The following BCAS1 variants were observed in gnomAD, a reference collection of about 807,000 sequenced individuals.
The protein encoded by BCAS1 is breast carcinoma-amplified sequence 1.
In BCAS1, 46 loss-of-function variants were observed where a neutral mutation model predicts 65.4. The ratio of observed to expected loss-of-function variants is 0.70; its 90% CI spans 0.55 to 0.90. The LOEUF is 0.90. BCAS1 is among the 40% of genes least tolerant of loss of function. The probability of loss-of-function intolerance (pLI) is 0.00; values close to 1 mark genes in which losing one functional copy is unlikely to be tolerated. For missense variants in BCAS1, 793 were observed against 771.2 expected (o/e 1.03, Z -0.33); for synonymous variants, 298 against 293.5 (o/e 1.02, Z -0.16).
chr20:53,975,495 AG>A, intron 8 of BCAS1, 65 bp from the exon 9 acceptor site: 1 of 1,396,938 alleles, frequency 7.2e-7, no homozygotes, highest in East Asian at 2.3e-5. Flanking sequence ...GTTACATAAA[AG>A]CAAAGGGTTA....
chr20:53,998,770 C>CT (rs2090984475), intron 4 of BCAS1, among the ~76,000 whole-genome samples: 1 of 151,706 alleles, frequency 6.6e-6, no homozygotes, highest in African/African-American at 2.4e-5. Flanking sequence ...GTCGCTTAAT[C>CT]TTAATATATT....
chr20:54,011,106 A>G (rs1051117429), intron 4 of BCAS1, among the ~76,000 whole-genome samples: 5 of 152,162 alleles, frequency 3.3e-5, no homozygotes, highest in Non-Finnish European at 7.4e-5. Flanking sequence ...ACTTAAACAT[A>G]AAACCTCAAA....
At chr20:53,956,574 C>G (rs2089706394) in intron 11 of BCAS1, among the ~76,000 whole-genome samples, 1 of 152,070 alleles carries the variant, frequency 6.6e-6, no homozygotes, top group Non-Finnish European at 1.5e-5. Context: ...TATGACAACC[C>G]CATAAGGAAG....
intron 1 of BCAS1, among the ~76,000 whole-genome samples, chr20:54,066,308 G>T (rs896632738): frequency 6.6e-6 from 1 of 151,900 alleles, no homozygotes; most frequent in Non-Finnish European, 1.5e-5. Context: ...TCCTGACCTC[G>T]TGATCCGCCC....
chr20:54,000,100 A>T (rs1167462685), intron 4 of BCAS1, among the ~76,000 whole-genome samples: 1 of 152,192 alleles, frequency 6.6e-6, no homozygotes, highest in Non-Finnish European at 1.5e-5. Context: ...ATCCCGGCAT[A>T]TCTGATGCTG....
chr20:54,058,599 T>TA (rs2092333298), intron 2 of BCAS1, 48 bp downstream of exon 2: 2 of 1,438,412 alleles, frequency 1.4e-6, no homozygotes, highest in African/African-American at 1.5e-5. Flanking sequence ...AGTTCTTTTT[T>TA]TTTTTTTTTT....
At chr20:53,973,664 A>G (rs191123758) in intron 9 of BCAS1, among the ~76,000 whole-genome samples, 2 of 152,352 alleles carry the variant, frequency 1.3e-5, no homozygotes, top group East Asian at 1.9e-4. Context: ...GTTCGTAGAA[A>G]GAAGTCTTGT....
At chr20:54,004,996 A>C (rs2091149544) in intron 4 of BCAS1, among the ~76,000 whole-genome samples, 2 of 152,370 alleles carry the variant, frequency 1.3e-5, no homozygotes, top group South Asian at 4.1e-4. Flanking sequence ...AGTACAGAGG[A>C]AGCATTCAGT....
In BCAS1 at chr20:54,027,610, T is replaced by C. The variant is rs149895874; in HGVS notation, c.723+782A>G. The stretch of plus-strand genomic sequence containing the variant: ...GGAAATGCATGCCCTAAACCTATAA[T>C]GTATCAAGTTTTACTTCCTTCTTCT... On this transcript the variant is annotated intron_variant, in intron 4 of 12. Coordinates refer to ENST00000688948, the MANE Select transcript of BCAS1 (RefSeq NM_001366298.2). 1.1e-4 allele frequency among the ~76,000 whole-genome samples: 17 copies of C among 152,318 alleles called. No individual in the cohort carries two copies. In the East Asian group the frequency reaches 2.9e-3, roughly 26 times the overall value.
rs185254453 is a variant in BCAS1, at chr20:53,954,075, G to C, written c.1552-380C>G. On this transcript the variant is annotated intron_variant, in intron 11 of 12. Transcript: ENST00000688948. Reference sequence around the variant, plus strand: ...CTTAGGCCTGACTAATCAGAGCATTGTATATGATTGGCCAGCTGTGATTGG... The same window carrying C: ...CTTAGGCCTGACTAATCAGAGCATTCTATATGATTGGCCAGCTGTGATTGG... 3.3e-5 allele frequency among the ~76,000 whole-genome samples: 5 copies of C among 152,296 alleles called. No individual in the cohort carries two copies. In the East Asian group the frequency reaches 9.7e-4, roughly 29 times the overall value.
chr20:54,045,728 T>C (rs2092091782), intron 3 of BCAS1, among the ~76,000 whole-genome samples: 1 of 152,258 alleles, frequency 6.6e-6, no homozygotes, highest in Non-Finnish European at 1.5e-5. Flanking sequence ...AACTGTGTAA[T>C]TGTAACACAT....
intron 4 of BCAS1, among the ~76,000 whole-genome samples, chr20:54,018,456 C>T (rs914502586): frequency 2.0e-5 from 3 of 150,610 alleles, no homozygotes; most frequent in Non-Finnish European, 4.4e-5. Context: ...CCTGCCTCAG[C>T]CTCCCGAGTG....
intron 10 of BCAS1, among the ~76,000 whole-genome samples, chr20:53,962,967 CA>C (rs2089924160): frequency 6.6e-6 from 1 of 152,022 alleles, no homozygotes; most frequent in African/African-American, 2.4e-5. Flanking sequence ...TCTCCTGCCT[CA>C]GCCTCCTGAG....
chr20:54,001,787 C>T (rs2091059965), intron 4 of BCAS1, among the ~76,000 whole-genome samples: 1 of 152,200 alleles, frequency 6.6e-6, no homozygotes, highest in Non-Finnish European at 1.5e-5. Flanking sequence ...GTGTAGTAAA[C>T]TCTTTCTCTA....
intron 3 of BCAS1, among the ~76,000 whole-genome samples, chr20:54,030,688 A>G (rs1182513944): frequency 3.3e-5 from 5 of 151,364 alleles, no homozygotes; most frequent in African/African-American, 1.2e-4. Context: ...ACAACAAACA[A>G]AAAAGGGGGG....
intron 4 of BCAS1, among the ~76,000 whole-genome samples, chr20:54,019,652 C>T (rs777260007): frequency 6.6e-6 from 1 of 152,182 alleles, no homozygotes. Context: ...TGGGTGGGCA[C>T]CTTCCAATCG....
At chr20:54,051,104 T>C (rs2092204627) in intron 3 of BCAS1, among the ~76,000 whole-genome samples, 1 of 152,198 alleles carries the variant, frequency 6.6e-6, no homozygotes, top group South Asian at 2.1e-4. Context: ...GATTGTTGCA[T>C]ATTAATAGGG....
intron 8 of BCAS1, among the ~76,000 whole-genome samples, chr20:53,984,521 T>C (rs2090563512): frequency 6.6e-6 from 1 of 152,254 alleles, no homozygotes; most frequent in African/African-American, 2.4e-5. Flanking sequence ...CCAAGTGCGA[T>C]AGATGTTTTG....
intron 3 of BCAS1, among the ~76,000 whole-genome samples, chr20:54,045,124 A>T (rs2092076884): frequency 6.6e-6 from 1 of 151,608 alleles, no homozygotes; most frequent in African/African-American, 2.4e-5. Context: ...AGGCAAGAGG[A>T]TTCCTTGAGC....
Sources: allele counts gnomAD v4.1 joint callset (sites outside exome capture counted in the v4.1 genomes callset), GRCh38; gene constraint gnomAD v4.1.1; transcripts MANE v1.5; gene names NCBI Gene and HGNC (gene_info 2026-07-23, HGNC 2026-07-21).